The following HSP90AA1 variants were observed in gnomAD, a reference collection of about 807,000 sequenced individuals.
The protein encoded by HSP90AA1 is heat shock protein 90 alpha family class A member 1, also known as heat shock protein HSP 90-alpha.
In HSP90AA1, 18 loss-of-function variants were observed where a neutral mutation model predicts 73.3. The observed-to-expected ratio is 0.25, with a 90% CI of 0.17 to 0.36. HSP90AA1 has a LOEUF of 0.36. Ranked by LOEUF, HSP90AA1 falls within the 10% of genes least tolerant of loss-of-function variation. HSP90AA1 has a pLI of 1.00. For synonymous variants in HSP90AA1, 477 were observed against 296.9 expected (o/e 1.61, Z -6.24); for missense variants, 704 against 874.2 (o/e 0.81, Z 2.45).
chr14:102,082,410 C>G lies in HSP90AA1; in HGVS notation c.1790G>C (p.Cys597Ser). ...VVSNRLVTSP[C>S]CIVTSTYGWT... ...GCCATATGTGCTTGTGACAATACAG[C>G]ATGGAGATGTCACCAATCGGTTTGA... The change falls in exon 10 of 11, where the codon TGC becomes TCC. Residue 597 changes from cysteine (C) to serine (S), a missense_variant. By Grantham distance (112) the Cys-to-Ser change is moderately radical. Coordinates refer to ENST00000216281, the MANE Select transcript of HSP90AA1 (RefSeq NM_005348.4). 1.2e-6 allele frequency: 2 copies of G among 1,613,458 alleles called. No individual in the cohort carries two copies. Among genetic ancestry groups the G allele is most frequent in the Non-Finnish European group, 1.7e-6 (2 of 1,179,946 alleles).
chr14:102,092,096 C>T lies in HSP90AA1; in HGVS notation c.367-5718G>A, dbSNP rs77669806. The stretch of plus-strand genomic sequence containing the variant: ...TGATTTTTTTTTTTTTGAGACAGTC[C>T]CGCTCTGTCGCCCAGGCTGGAGTGC... On this transcript the variant is annotated intron_variant, in intron 2 of 11. Coordinates refer to the HSP90AA1 transcript ENST00000334701. Among the ~76,000 whole-genome samples the T allele has an allele frequency of 4.1e-3, 609 of 149,268 alleles. 9 individuals are homozygous for T. In the East Asian group the frequency reaches 0.048, roughly 12 times the overall value.
At chr14:102,087,946 T>TC (rs2049288151), upstream of HSP90AA1, among the ~76,000 whole-genome samples, 1 of 123,308 alleles carries the variant, frequency 8.1e-6, no homozygotes, top group Non-Finnish European at 1.7e-5. Context: ...TTTTTTTTTT[T>TC]TTTTCTTTTT....
At chr14:102,090,383 A>G (rs1486971643), upstream of HSP90AA1, among the ~76,000 whole-genome samples, 1 of 151,164 alleles carries the variant, frequency 6.6e-6, no homozygotes, top group Non-Finnish European at 1.5e-5. Flanking sequence ...CTCCAACCCC[A>G]AGTTCTTCCA....
intron 1 of HSP90AA1, among the ~76,000 whole-genome samples, chr14:102,105,034 T>TAAAAA (rs35769966): frequency 1.0e-5 from 1 of 97,488 alleles, no homozygotes; most frequent in African/African-American, 3.9e-5. Context: ...TCATCTCTAC[T>TAAAAA]AAAAAAAAAA....
At chr14:102,116,941 C>G (rs945224788) in intron 1 of HSP90AA1, among the ~76,000 whole-genome samples, 1 of 152,196 alleles carries the variant, frequency 6.6e-6, no homozygotes, top group Non-Finnish European at 1.5e-5. Context: ...TCTGTGCCCT[C>G]AGGGCACAGG....
In HSP90AA1 at chr14:102,081,376, TCAATAA is replaced by T. The variant is rs1367442420; in HGVS notation, c.*330_*335del. ...ACATCAAGATACAGCTCAGAACACT[TCAATAA>T]CAAGATTTGGTCTACTTAGGCATCC... On this transcript the variant is annotated 3_prime_UTR_variant, in exon 11 of 11. Transcript: ENST00000216281. The T allele has an allele frequency of 2.3e-6, 1 of 438,774 alleles. No homozygotes were observed. The allele number at this position is 438,774 out of a possible 1,614,324, so 27.2% of individuals were successfully genotyped here.
chr14:102,122,781 T>C (rs953828701), intron 1 of HSP90AA1, among the ~76,000 whole-genome samples: 3 of 150,278 alleles, frequency 2.0e-5, no homozygotes, highest in African/African-American at 2.4e-5. Context: ...GATTCTCCTG[T>C]TTCAGCCTCC....
At chr14:102,093,442 A>G (rs10141398) in intron 2 of HSP90AA1, among the ~76,000 whole-genome samples, 136,672 of 148,668 alleles carry the variant, frequency 0.92, 62,896 homozygotes, top group East Asian at 1. Flanking sequence ...CCGAGAGCAC[A>G]CCACTGCACT....
At chr14:102,139,308 G>A (rs752858288) in exon 1 of HSP90AA1, 1 of 1,613,916 alleles carries the variant, frequency 6.2e-7, no homozygotes, top group South Asian at 1.1e-5. Flanking sequence ...GGATCCAGAC[G>A]GTCGCGCGGG....
intron 1 of HSP90AA1, among the ~76,000 whole-genome samples, chr14:102,111,447 G>A (rs2049640751): frequency 6.6e-6 from 1 of 152,222 alleles, no homozygotes; most frequent in South Asian, 2.1e-4. Flanking sequence ...TGGAAGTCAA[G>A]AATTGAGGTT....
chr14:102,135,668 G>A (rs901624815), intron 1 of HSP90AA1, among the ~76,000 whole-genome samples: 16 of 152,272 alleles, frequency 1.1e-4, no homozygotes, highest in African/African-American at 3.4e-4. Context: ...CGGGAAGGCA[G>A]CTAAGGCCCG....
chr14:102,134,472 G>A (rs1400442564), intron 1 of HSP90AA1, among the ~76,000 whole-genome samples: 3 of 152,110 alleles, frequency 2.0e-5, no homozygotes, highest in Non-Finnish European at 4.4e-5. Context: ...CAAGAATGAA[G>A]CCGCGGACCC....
chr14:102,085,685 C>T (rs2049213210), intron 3 of HSP90AA1, 73 bp downstream of exon 3: 1 of 1,602,702 alleles, frequency 6.2e-7, no homozygotes, highest in Non-Finnish European at 8.5e-7. Flanking sequence ...TTCACCGCAT[C>T]CCCAGGGGTC....
chr14:102,119,082 T>C (rs1322752200), intron 1 of HSP90AA1, among the ~76,000 whole-genome samples: 1 of 152,050 alleles, frequency 6.6e-6, no homozygotes, highest in African/African-American at 2.4e-5. Flanking sequence ...TTCAAACTCC[T>C]GAGCTCAAGC....
intron 1 of HSP90AA1, among the ~76,000 whole-genome samples, chr14:102,113,879 T>C (rs907622485): frequency 6.6e-6 from 1 of 151,946 alleles, no homozygotes; most frequent in East Asian, 1.9e-4. Flanking sequence ...CCCCGCTAAT[T>C]TTTTCTATTT....
exon 1 of HSP90AA1, chr14:102,139,340 CAGTCCCTGTCCCGAAGGG>C: frequency 6.2e-7 from 1 of 1,612,834 alleles, no homozygotes; most frequent in Non-Finnish European, 8.5e-7. Flanking sequence ...CTGGGCGGGA[CAGTCCCTGTCCCGAAGGG>C]AGGGCCCAGG....
exon 2 of HSP90AA1, chr14:102,101,910 T>C (rs144882817): frequency 1.9e-5 from 31 of 1,613,924 alleles, no homozygotes; most frequent in African/African-American, 2.7e-5. Flanking sequence ...TGCAGATCCT[T>C]GTAGAGGTGT....
chr14:102,114,091 A>G (rs2049677703), intron 1 of HSP90AA1, among the ~76,000 whole-genome samples: 1 of 152,034 alleles, frequency 6.6e-6, no homozygotes, highest in African/African-American at 2.4e-5. Context: ...TCCCAGGCTC[A>G]AGAGTCTCAT....
chr14:102,134,162 A>G (rs146198267), intron 1 of HSP90AA1, among the ~76,000 whole-genome samples: 2 of 115,736 alleles, frequency 1.7e-5, no homozygotes, highest in South Asian at 5.9e-4. Context: ...AAAAAAAAAA[A>G]CCCCGTCTCT....
Sources: allele counts gnomAD v4.1 joint callset (sites outside exome capture counted in the v4.1 genomes callset), GRCh38; gene constraint gnomAD v4.1.1; transcripts MANE v1.5; gene names NCBI Gene and HGNC (gene_info 2026-07-23, HGNC 2026-07-21).